Variants in ENTREP2 observed in about 807,000 individuals in gnomAD.
The protein encoded by ENTREP2 is protein ENTREP2.
chr15:29,527,340 G>A, the ENTREP2 span, among the ~76,000 whole-genome samples: 1 of 152,116 alleles, frequency 6.6e-6, no homozygotes, highest in Admixed American at 6.5e-5. Context: ...GGGGTTCCAT[G>A]GGAAAATACC....
At chr15:29,343,027 T>TG in the ENTREP2 span, among the ~76,000 whole-genome samples, 8,407 of 130,974 alleles carry the variant, frequency 0.064, 901 homozygotes, top group African/African-American at 0.21. Flanking sequence ...TAAAAAGGAA[T>TG]GGGGGGGGTG....
chr15:29,305,766 G>A, the ENTREP2 span, among the ~76,000 whole-genome samples: 1 of 152,198 alleles, frequency 6.6e-6, no homozygotes, highest in Non-Finnish European at 1.5e-5. Context: ...ATATGGAGGT[G>A]CTGACTGGCC....
chr15:29,517,524 A>G, the ENTREP2 span, among the ~76,000 whole-genome samples: 1 of 151,806 alleles, frequency 6.6e-6, no homozygotes, highest in Non-Finnish European at 1.5e-5. Context: ...TTCCCGTTGT[A>G]AAAAAAAGGA....
chr15:29,225,045 C>T, the ENTREP2 span, among the ~76,000 whole-genome samples: 68 of 152,318 alleles, frequency 4.5e-4, no homozygotes, highest in Admixed American at 1.0e-3. Context: ...GCTCTGAGTG[C>T]GGGGCCGCTG....
At chr15:29,528,572 A>T in the ENTREP2 span, among the ~76,000 whole-genome samples, 1 of 152,150 alleles carries the variant, frequency 6.6e-6, no homozygotes, top group African/African-American at 2.4e-5. Flanking sequence ...GGAACCCAAA[A>T]ATAAAGATGT....
the ENTREP2 span, among the ~76,000 whole-genome samples, chr15:29,291,574 ACCCTGGACC>A: frequency 6.6e-6 from 1 of 152,258 alleles, no homozygotes; most frequent in Non-Finnish European, 1.5e-5. Context: ...TTCCTGCCCC[ACCCTGGACC>A]CCCAGCTCTC....
At chr15:29,555,148 G>C in the ENTREP2 span, among the ~76,000 whole-genome samples, 1 of 152,204 alleles carries the variant, frequency 6.6e-6, no homozygotes, top group Non-Finnish European at 1.5e-5. Context: ...CGGGGAAGAG[G>C]GAAGGATACT....
At chr15:29,582,357 GA>G in the ENTREP2 span, among the ~76,000 whole-genome samples, 1 of 151,356 alleles carries the variant, frequency 6.6e-6, no homozygotes, top group Admixed American at 6.6e-5. Context: ...GAAATGAAAG[GA>G]AAAAAGAATT....
chr15:29,240,150 G>A, the ENTREP2 span, among the ~76,000 whole-genome samples: 2 of 152,148 alleles, frequency 1.3e-5, no homozygotes, highest in Non-Finnish European at 2.9e-5. Flanking sequence ...ATCACCTGAG[G>A]TCGGGAGTTC....
chr15:29,531,375 A>C, the ENTREP2 span, among the ~76,000 whole-genome samples: 34 of 152,240 alleles, frequency 2.2e-4, 1 homozygote, highest in East Asian at 6.2e-3. Context: ...ATTTCACATT[A>C]GAAGCTTTTG....
At chr15:29,200,749 A>T in the ENTREP2 span, among the ~76,000 whole-genome samples, 2 of 151,816 alleles carry the variant, frequency 1.3e-5, no homozygotes, top group Admixed American at 6.6e-5. Context: ...TTTAGTAGAG[A>T]TGGGGTTTCG....
At chr15:29,607,302 TTC>T in the ENTREP2 span, among the ~76,000 whole-genome samples, 4 of 136,920 alleles carry the variant, frequency 2.9e-5, no homozygotes, top group Admixed American at 6.9e-5. Flanking sequence ...CTCTCTTCAT[TTC>T]TTTTTTTTTT....
At chr15:29,144,594 G>A in the ENTREP2 span, among the ~76,000 whole-genome samples, 1,115 of 152,278 alleles carry the variant, frequency 7.3e-3, 10 homozygotes, top group Non-Finnish European at 0.012. Flanking sequence ...GCTGGGCATG[G>A]TGACGTGTGC....
the ENTREP2 span, among the ~76,000 whole-genome samples, chr15:29,178,340 G>A: frequency 4.6e-3 from 701 of 151,054 alleles, 9 homozygotes; most frequent in African/African-American, 0.016. Context: ...AAAAAGAACC[G>A]GTTACCATCT....
chr15:29,258,450 G>A, the ENTREP2 span, among the ~76,000 whole-genome samples: 1 of 151,268 alleles, frequency 6.6e-6, no homozygotes, highest in African/African-American at 2.4e-5. Flanking sequence ...CAGATGCTAC[G>A]AAAGTCAAGG....
the ENTREP2 span, among the ~76,000 whole-genome samples, chr15:29,248,640 T>G: frequency 3.2e-4 from 49 of 152,276 alleles, 1 homozygote; most frequent in East Asian, 9.1e-3. Context: ...TATGCAATTA[T>G]AAATGACTAA....
the ENTREP2 span, among the ~76,000 whole-genome samples, chr15:29,451,221 G>A: frequency 6.6e-6 from 1 of 152,128 alleles, no homozygotes; most frequent in Admixed American, 6.5e-5. Flanking sequence ...TCTAGAAAGA[G>A]TGCCCCGGTC....
the ENTREP2 span, among the ~76,000 whole-genome samples, chr15:29,255,988 G>T: frequency 7.7e-6 from 1 of 130,042 alleles, no homozygotes; most frequent in Non-Finnish European, 1.6e-5. Flanking sequence ...GCGACAGAGC[G>T]AGAGTCCGTC....
At chr15:29,349,165 A>G in the ENTREP2 span, among the ~76,000 whole-genome samples, 16,227 of 152,166 alleles carry the variant, frequency 0.11, 1,940 homozygotes, top group African/African-American at 0.3. Context: ...CTGCAAAACC[A>G]GCTCCCATCA....
Sources: gnomAD v4.1 joint callset for allele counts (sites outside exome capture counted in the v4.1 genomes callset) on GRCh38, gnomAD v4.1.1 for gene constraint, MANE v1.5 for transcripts, NCBI Gene and HGNC (gene_info 2026-07-23, HGNC 2026-07-21) for gene names.